Variants in ABTB3 observed in about 807,000 individuals in gnomAD.
ABTB3 encodes the protein ankyrin repeat and BTB domain containing 3, also known as ankyrin repeat- and BTB/POZ domain-containing protein 3.
At chr12:107,574,338 T>C in the ABTB3 span, among the ~76,000 whole-genome samples, 1 of 152,368 alleles carries the variant, frequency 6.6e-6, no homozygotes, top group Non-Finnish European at 1.5e-5. Context: ...CCCTGGTTTC[T>C]GACTTGAGTC....
the ABTB3 span, among the ~76,000 whole-genome samples, chr12:107,600,974 G>T: frequency 1.1e-4 from 17 of 152,224 alleles, no homozygotes; most frequent in African/African-American, 3.9e-4. Context: ...ATGGTGGTGG[G>T]GGGGTGTCCA....
chr12:107,388,029 G>A, the ABTB3 span, among the ~76,000 whole-genome samples: 2 of 143,370 alleles, frequency 1.4e-5, no homozygotes, highest in Non-Finnish European at 3.0e-5. Context: ...CTGGAGTGCA[G>A]TGGCACAATC....
At chr12:107,471,761 G>A in the ABTB3 span, among the ~76,000 whole-genome samples, 10 of 152,280 alleles carry the variant, frequency 6.6e-5, no homozygotes, top group South Asian at 2.1e-4. Context: ...TCACAGAGCC[G>A]TGGTGAGGCT....
At chr12:107,481,025 G>A in the ABTB3 span, among the ~76,000 whole-genome samples, 1 of 152,132 alleles carries the variant, frequency 6.6e-6, no homozygotes, top group East Asian at 1.9e-4. Flanking sequence ...AGTGGTTCTC[G>A]ATGACTGGTG....
chr12:107,466,162 G>A, the ABTB3 span, among the ~76,000 whole-genome samples: 1 of 152,110 alleles, frequency 6.6e-6, no homozygotes, highest in Non-Finnish European at 1.5e-5. Context: ...GTATTTGGGA[G>A]CCTTAGGCTT....
chr12:107,489,048 A>G, the ABTB3 span, among the ~76,000 whole-genome samples: 1 of 152,196 alleles, frequency 6.6e-6, no homozygotes, highest in African/African-American at 2.4e-5. Context: ...CTCTCTTGTT[A>G]ATATTAATAC....
chr12:107,465,800 C>G, the ABTB3 span, among the ~76,000 whole-genome samples: 4 of 152,302 alleles, frequency 2.6e-5, no homozygotes, highest in East Asian at 7.7e-4. Flanking sequence ...TGACTTCCCT[C>G]CCAGAAAACA....
chr12:107,644,292 T>C, the ABTB3 span, among the ~76,000 whole-genome samples: 1 of 152,170 alleles, frequency 6.6e-6, no homozygotes, highest in African/African-American at 2.4e-5. Flanking sequence ...AGCCAGTGGT[T>C]CTGAACCTCA....
the ABTB3 span, among the ~76,000 whole-genome samples, chr12:107,591,121 G>T: frequency 2.0e-5 from 3 of 152,206 alleles, no homozygotes; most frequent in Admixed American, 1.3e-4. Context: ...AACTTTCAGT[G>T]TGTACATGCC....
chr12:107,320,612 T>G, the ABTB3 span: 2 of 456,096 alleles, frequency 4.4e-6, no homozygotes, highest in East Asian at 7.0e-5. Flanking sequence ...GTTGAAAGCT[T>G]GCACGGCCTA....
At chr12:107,446,262 T>C in the ABTB3 span, among the ~76,000 whole-genome samples, 2 of 152,016 alleles carry the variant, frequency 1.3e-5, no homozygotes, top group African/African-American at 2.4e-5. Flanking sequence ...GGCTGGGAGT[T>C]AGTCTGGGTA....
At chr12:107,537,709 T>C in the ABTB3 span, among the ~76,000 whole-genome samples, 38,651 of 151,854 alleles carry the variant, frequency 0.25, 5,170 homozygotes, top group Admixed American at 0.35. Context: ...CTACTTCTCT[T>C]TGGGGACAGT....
the ABTB3 span, chr12:107,520,784 C>A: frequency 1.0e-6 from 1 of 989,844 alleles, no homozygotes; most frequent in Non-Finnish European, 1.4e-6. Flanking sequence ...GCTGTGTACA[C>A]TAAACAATGC....
the ABTB3 span, among the ~76,000 whole-genome samples, chr12:107,334,745 A>G: frequency 6.6e-6 from 1 of 152,098 alleles, no homozygotes; most frequent in Non-Finnish European, 1.5e-5. Context: ...GGACAAGAAG[A>G]CCAAAGACAG....
chr12:107,657,949 A>G, the ABTB3 span: 5 of 573,484 alleles, frequency 8.7e-6, no homozygotes, highest in Admixed American at 9.1e-5. Context: ...GTTAACCCCA[A>G]TTGAAAGCAC....
At chr12:107,357,105 C>T in the ABTB3 span, among the ~76,000 whole-genome samples, 87 of 152,336 alleles carry the variant, frequency 5.7e-4, 2 homozygotes, top group East Asian at 0.015. Flanking sequence ...TGGGTCATGT[C>T]TTGAAATGTC....
At chr12:107,415,113 TC>T in the ABTB3 span, among the ~76,000 whole-genome samples, 4 of 152,110 alleles carry the variant, frequency 2.6e-5, no homozygotes, top group Non-Finnish European at 5.9e-5. Context: ...ACGATCTGTT[TC>T]CTCCACTTAT....
chr12:107,369,719 T>G, the ABTB3 span, among the ~76,000 whole-genome samples: 8 of 147,288 alleles, frequency 5.4e-5, no homozygotes, highest in African/African-American at 1.3e-4. Flanking sequence ...TTTTTTTTTT[T>G]TTTTTTTTTT....
chr12:107,508,434 A>ATTTTTTTTTTTTTTTTTTTTTTTTTTTTT, the ABTB3 span, among the ~76,000 whole-genome samples: 2 of 58,716 alleles, frequency 3.4e-5, no homozygotes, highest in Admixed American at 3.8e-4. Flanking sequence ...CTCAAAGATC[A>ATTTTTTTTTTTTTTTTTTTTTTTTTTTTT]TTTCTTTTTT....
Sources: gnomAD v4.1 joint callset for allele counts (sites outside exome capture counted in the v4.1 genomes callset) on GRCh38, gnomAD v4.1.1 for gene constraint, MANE v1.5 for transcripts, NCBI Gene and HGNC (gene_info 2026-07-23, HGNC 2026-07-21) for gene names.